The following SORCS2 variants were observed in gnomAD, a reference collection of about 807,000 sequenced individuals.
SORCS2 encodes sortilin related VPS10 domain containing receptor 2.
SORCS2 carries 100 observed loss-of-function variants against 141.6 expected under a neutral mutation model. The ratio of observed to expected loss-of-function variants is 0.71; its 90% confidence interval spans 0.60 to 0.83. The LOEUF is 0.83. SORCS2 is among the 40% of genes least tolerant of loss of function. The probability of loss-of-function intolerance (pLI) is 0.00; values close to 1 mark genes in which losing one functional copy is unlikely to be tolerated. For synonymous variants in SORCS2, 789 were observed against 676.9 expected (o/e 1.17, Z -2.57); for missense variants, 1,646 against 1,560.2 (o/e 1.05, Z -0.93).
At chr4:7,391,425 G>A (rs943835569) in intron 1 of SORCS2, among the ~76,000 whole-genome samples, 4 of 152,188 alleles carry the variant, frequency 2.6e-5, no homozygotes, top group Non-Finnish European at 4.4e-5. Context: ...CAAGTTGGAC[G>A]GCTCAGCACA....
At chr4:7,572,082 G>A (rs575050529) in intron 3 of SORCS2, among the ~76,000 whole-genome samples, 7 of 152,286 alleles carry the variant, frequency 4.6e-5, no homozygotes, top group Admixed American at 1.3e-4. Context: ...TCTTCTCTCT[G>A]CCATCTCATG....
In SORCS2 at chr4:7,741,405, C is replaced by T. The variant is rs370897650; in HGVS notation, c.*1141C>T. On this transcript the variant is annotated 3_prime_UTR_variant, in exon 27 of 27. Coordinates refer to ENST00000507866, the MANE Select transcript of SORCS2 (RefSeq NM_020777.3). ...TGCGGTCTCCACACCCTTACGGTTTCCTAGAATCAGGGATGTTAGTGTAAG... is the reference window on the plus strand; with the variant it reads ...TGCGGTCTCCACACCCTTACGGTTTTCTAGAATCAGGGATGTTAGTGTAAG... 6.0e-6 allele frequency: 1 copy of T among 166,284 alleles called. No homozygotes were observed. The highest frequency in any genetic ancestry group is 2.2e-4 in the South Asian group (1 of 4,554). 10.3% of individuals were successfully genotyped at this position (166,284 alleles called of 1,614,324 possible).
At chr4:7,528,271 T>A (rs1489047135) in intron 2 of SORCS2, among the ~76,000 whole-genome samples, 3 of 152,070 alleles carry the variant, frequency 2.0e-5, no homozygotes, top group African/African-American at 7.2e-5. Flanking sequence ...ACAAATGGAA[T>A]GAATGGGTGA....
At chr4:7,380,218 C>G (rs1297235973) in intron 1 of SORCS2, among the ~76,000 whole-genome samples, 2 of 152,238 alleles carry the variant, frequency 1.3e-5, no homozygotes, top group African/African-American at 2.4e-5. Flanking sequence ...GAGCCTGGTT[C>G]TGAGATCTCT....
chr4:7,543,179 G>A (rs757088813), intron 3 of SORCS2, among the ~76,000 whole-genome samples: 3 of 152,210 alleles, frequency 2.0e-5, no homozygotes, highest in Non-Finnish European at 4.4e-5. Context: ...CACATGTGCT[G>A]GTTGGTTGGT....
rs144213355 is a variant in SORCS2 at position 7,540,818 on chromosome 4, T to C, written c.648+9189T>C. Among the ~76,000 whole-genome samples, 805 of 152,306 alleles carry C rather than the reference T, an allele frequency of 5.3e-3. 4 individuals carry two copies. Among genetic ancestry groups the C allele is most frequent in the Non-Finnish European group, 8.2e-3 (557 of 68,016 alleles). On this transcript the variant is annotated intron_variant, in intron 3 of 26. Transcript: ENST00000507866. ...CCGGGTGTGAAGTGGGGATGAACAT[T>C]ACCCACCTCATCTGGTCATGTGGAC...
intron 3 of SORCS2, among the ~76,000 whole-genome samples, chr4:7,540,104 G>T (rs1215411090): frequency 1.4e-5 from 1 of 72,956 alleles, no homozygotes; most frequent in African/African-American, 5.7e-5. Flanking sequence ...CCCCCTTTGT[G>T]CTGTGGGGCC....
intron 1 of SORCS2, among the ~76,000 whole-genome samples, chr4:7,334,397 G>A (rs916470295): frequency 6.7e-6 from 1 of 149,404 alleles, no homozygotes; most frequent in African/African-American, 2.5e-5. Flanking sequence ...TCCTTCCCCA[G>A]ATTCCACAGC....
chr4:7,483,117 G>A (rs10937824), intron 2 of SORCS2, among the ~76,000 whole-genome samples: 11,965 of 152,004 alleles, frequency 0.079, 747 homozygotes, highest in East Asian at 0.25. Context: ...TCAGGAGATC[G>A]AGACCATCCT....
chr4:7,246,223 A>C (rs2108798584), intron 1 of SORCS2, among the ~76,000 whole-genome samples: 1 of 152,322 alleles, frequency 6.6e-6, no homozygotes, highest in South Asian at 2.1e-4. Flanking sequence ...TCTGTGTCCC[A>C]ACACATGTTC....
In SORCS2 at chr4:7,338,111, T is replaced by A. The variant is rs55637949; in HGVS notation, c.481-58177T>A. Among the ~76,000 whole-genome samples, 214 of 39,562 alleles carry A rather than the reference T, an allele frequency of 5.4e-3. 1 individual carries two copies. Among genetic ancestry groups the A allele is most frequent in the African/African-American group, 0.023 (202 of 8,770 alleles). 26.0% of individuals were successfully genotyped at this position (39,562 alleles called of 152,430 possible). On this transcript the variant is annotated intron_variant, in intron 1 of 26. Transcript: ENST00000507866. ...TGGCTGGATGGATGTTGGATGGATG[T>A]TGGATGGATGGATGGATGGATGGAT...
At chr4:7,386,302 A>G (rs564221841) in intron 1 of SORCS2, among the ~76,000 whole-genome samples, 1 of 82,648 alleles carries the variant, frequency 1.2e-5, no homozygotes, top group Non-Finnish European at 2.4e-5. Flanking sequence ...ATGCACACAC[A>G]TACACATTTG....
intron 2 of SORCS2, among the ~76,000 whole-genome samples, chr4:7,498,554 C>T (rs1299627063): frequency 1.6e-4 from 24 of 152,222 alleles, no homozygotes; most frequent in Admixed American, 1.4e-3. Context: ...GCAGAGAGCA[C>T]GCCCTGCCAA....
At chr4:7,266,617 C>G in intron 1 of SORCS2, among the ~76,000 whole-genome samples, 1 of 152,228 alleles carries the variant, frequency 6.6e-6, no homozygotes, top group East Asian at 1.9e-4. Flanking sequence ...TCATCAAGCA[C>G]TCCGGTGGTT....
At chr4:7,493,968 C>A (rs1421253819) in intron 2 of SORCS2, among the ~76,000 whole-genome samples, 1 of 152,070 alleles carries the variant, frequency 6.6e-6, no homozygotes, top group African/African-American at 2.4e-5. Flanking sequence ...TGTTCAGTGC[C>A]CACTTAACAT....
intron 3 of SORCS2, among the ~76,000 whole-genome samples, chr4:7,540,194 CCCTGCCCCTCCCTGCCCCTG>C (rs1712507684): frequency 7.4e-6 from 1 of 135,350 alleles, no homozygotes; most frequent in Non-Finnish European, 1.6e-5. Context: ...CCCTGCCCCT[CCCTGCCCCTCCCTGCCCCTG>C]CCTCTGCCTC....
intron 3 of SORCS2, among the ~76,000 whole-genome samples, chr4:7,564,482 G>T (rs942034510): frequency 6.6e-6 from 1 of 152,234 alleles, no homozygotes; most frequent in Admixed American, 6.5e-5. Flanking sequence ...TGTTTACTCA[G>T]TTACTGCTAT....
intron 14 of SORCS2, among the ~76,000 whole-genome samples, chr4:7,709,697 C>G (rs1725699125): frequency 6.6e-6 from 1 of 152,218 alleles, no homozygotes; most frequent in Non-Finnish European, 1.5e-5. Flanking sequence ...TTCGGCCACT[C>G]TGTCCTTCCC....
chr4:7,738,419 C>G (rs1055533773), intron 26 of SORCS2, among the ~76,000 whole-genome samples: 3 of 152,244 alleles, frequency 2.0e-5, no homozygotes, highest in Non-Finnish European at 2.9e-5. Flanking sequence ...AAGGTCACAG[C>G]TGGTGGTGAA....
Sources: gnomAD v4.1 joint callset for allele counts (sites outside exome capture counted in the v4.1 genomes callset) on GRCh38, gnomAD v4.1.1 for gene constraint, MANE v1.5 for transcripts, NCBI Gene and HGNC (gene_info 2026-07-23, HGNC 2026-07-21) for gene names.